The following DLL4 variants were observed in gnomAD, a reference collection of about 807,000 sequenced individuals.
The protein encoded by DLL4 is delta like canonical Notch ligand 4.
In DLL4, 7 loss-of-function variants were observed where a neutral mutation model predicts 73.6. That is an observed-to-expected ratio of 0.10 (90% CI 0.05 to 0.18). DLL4 has a LOEUF of 0.18. Ranked by LOEUF, DLL4 falls within the 10% of genes least tolerant of loss-of-function variation. DLL4 has a pLI of 1.00. For synonymous variants in DLL4, 345 were observed against 374.3 expected, an observed-to-expected ratio of 0.92 and a Z score of 0.90; for missense variants, 614 against 929.9, an observed-to-expected ratio of 0.66 and a Z score of 4.42.
At chr15:40,932,874 G>A (rs538538607) in intron 6 of DLL4, among the ~76,000 whole-genome samples, 54 of 152,316 alleles carry the variant, frequency 3.5e-4, no homozygotes, top group Admixed American at 5.2e-4. Context: ...TGTGCCCACC[G>A]GCCACCTGAG....
intron 4 of DLL4, 66 bp downstream of exon 4, chr15:40,931,832 T>G: frequency 6.3e-7 from 1 of 1,583,822 alleles, no homozygotes; most frequent in South Asian, 1.2e-5. Flanking sequence ...GTGGAGCTTC[T>G]TGGTCACAGC....
rs1386917992 is a variant in DLL4 at position 40,929,641 on chromosome 15, G to A, written c.-28G>A. 2.0e-6 allele frequency: 3 copies of A among 1,506,438 alleles called. No individual in the cohort carries two copies. The highest frequency in any genetic ancestry group is 2.6e-5 in the South Asian group (2 of 76,566). 93.3% of individuals were successfully genotyped at this position (1,506,438 alleles called of 1,614,324 possible). ...GCGAACAGAGCCAGATTGAGGGCCC[G>A]CGGGTGGAGAGAGCGACGCCCGAGG... On this transcript the variant is annotated 5_prime_UTR_variant, in exon 1 of 11. Coordinates refer to ENST00000249749, the MANE Select transcript of DLL4 (RefSeq NM_019074.4). This position sits in a 1 kb window ranked among gnomAD's most constrained non-coding sequence, Gnocchi z 7.1.
intron 10 of DLL4, 96 bp downstream of exon 10, chr15:40,937,622 A>T (rs1299628475): frequency 1.1e-6 from 1 of 940,870 alleles, no homozygotes; most frequent in Non-Finnish European, 1.7e-6. Context: ...GGTAGGTCAG[A>T]ACCCTGCCTT....
chr15:40,932,991 A>C (rs969521300), intron 6 of DLL4, among the ~76,000 whole-genome samples: 3 of 152,278 alleles, frequency 2.0e-5, no homozygotes, highest in Non-Finnish European at 4.4e-5. Context: ...GCCTGAACCC[A>C]TGCGGTCTCT....
Position 40,932,463 on chromosome 15 carries a change from GAGAGGGTGC to G in DLL4, c.850+27_850+35del, listed in dbSNP as rs1566878592. On this transcript the variant is annotated intron_variant, in intron 6 of 10. Transcript: ENST00000249749. Reference sequence around the variant, plus strand: ...TGTGACCAAGGTGAGTCAGGGTGAAGAGAGGGTGCAGAGGGTGCAAGAGATATGGGGCTG... The same window carrying G: ...TGTGACCAAGGTGAGTCAGGGTGAAGAGAGGGTGCAAGAGATATGGGGCTG... The G allele has an allele frequency of 3.7e-6, 6 of 1,613,792 alleles. No individual in the cohort carries two copies. Among genetic ancestry groups the G allele is most frequent in the East Asian group, 2.2e-5 (1 of 44,894 alleles).
chr15:40,934,759 G>A (rs1284218170), intron 7 of DLL4, 42 bp downstream of exon 7: 1 of 1,601,934 alleles, frequency 6.2e-7, no homozygotes, highest in Non-Finnish European at 8.5e-7. Flanking sequence ...GTGTCAGGTG[G>A]TGTCTGGGCA....
At position 40,936,674 on chromosome 15, in the gene DLL4, G is replaced by A. The variant is rs369058138; in HGVS notation, c.1687G>A (p.Gly563Ser). ...RQLRLRRPDD[G>S]SREAMNNLSD... Reference sequence around the variant, plus strand: ...GCTGCGGCTTCGACGGCCGGACGACGGCAGCAGGGAAGCCATGAACAACTT... The same window carrying A: ...GCTGCGGCTTCGACGGCCGGACGACAGCAGCAGGGAAGCCATGAACAACTT... Residue 563 changes from glycine (G) to serine (S), a missense_variant, in exon 9 of 11, where the codon GGC becomes AGC. Around this residue, in one of 3 missense-constraint regions of DLL4, gnomAD observed 386 missense variants for 541.3 expected, o/e 0.71. Coordinates refer to ENST00000249749, the MANE Select transcript of DLL4 (RefSeq NM_019074.4). 1.9e-5 allele frequency: 30 copies of A among 1,613,040 alleles called. No individual in the cohort carries two copies. The highest frequency in any genetic ancestry group is 3.3e-4 in the Middle Eastern group (2 of 6,062).
rs777559242 is a variant in DLL4 at position 40,930,339 on chromosome 15, T to C, written c.336+223T>C. Reference sequence around the variant, plus strand: ...GTTTATGTCCTCCCGTCCCCAGCTCTTGGGACACGATTTTCATTACCTACC... The same window carrying C: ...GTTTATGTCCTCCCGTCCCCAGCTCCTGGGACACGATTTTCATTACCTACC... On this transcript the variant is annotated intron_variant, in intron 2 of 10. Coordinates refer to ENST00000249749, the MANE Select transcript of DLL4 (RefSeq NM_019074.4). This position sits in a 1 kb window ranked among gnomAD's most constrained non-coding sequence, Gnocchi z 5.7. 8.5e-5 allele frequency: 57 copies of C among 669,820 alleles called. No homozygotes were observed. Among genetic ancestry groups the C allele is most frequent in the Middle Eastern group, 4.1e-4 (1 of 2,450 alleles). The allele number at this position is 669,820 out of a possible 1,614,324, so 41.5% of individuals were successfully genotyped here.
chr15:40,931,251 C>A, intron 3 of DLL4: 2 of 567,554 alleles, frequency 3.5e-6, no homozygotes, highest in South Asian at 4.5e-5. Flanking sequence ...CCTGGGATAT[C>A]TTAACATCCT....
intron 8 of DLL4, 107 bp downstream of exon 8, chr15:40,935,224 C>T (rs1892826494): frequency 1.8e-6 from 2 of 1,110,714 alleles, no homozygotes; most frequent in Non-Finnish European, 2.6e-6. Flanking sequence ...CCACTCTGGC[C>T]CCCCATCTGC....
rs1892804740 is a variant in DLL4, at chr15:40,933,902, T to C, written c.851-646T>C. On this transcript the variant is annotated intron_variant, in intron 6 of 10. Transcript: ENST00000249749. ...TTAGCCAGGTGTGGTGGCAGGCACC[T>C]GTAGCCCCAGCTGCTGGGAAGGCTG... is the stretch of plus-strand genomic sequence containing the variant. Among the ~76,000 whole-genome samples the C allele has an allele frequency of 2.0e-5, 3 of 150,902 alleles. No homozygotes were observed. The South Asian group carries it at 6.3e-4, about 32-fold the overall frequency.
In DLL4 at chr15:40,930,208, C is replaced by G; in HGVS notation, c.336+92C>G. 1 of 1,443,444 alleles carries G rather than the reference C, an allele frequency of 6.9e-7. No homozygotes were observed. Among genetic ancestry groups the G allele is most frequent in the South Asian group, 1.3e-5 (1 of 77,376 alleles). The allele number at this position is 1,443,444 out of a possible 1,614,324, so 89.4% of individuals were successfully genotyped here. ...CCCCCTCCCCAGATTTCCTTGTACA[C>G]ACACCCCCACCCCCAAAAAGCCCAG... On this transcript the variant is annotated intron_variant, in intron 2 of 10. Coordinates refer to ENST00000249749, the MANE Select transcript of DLL4 (RefSeq NM_019074.4). The surrounding 1 kb of genome is among the most constrained non-coding windows in gnomAD (Gnocchi z 5.7).
intron 7 of DLL4, 44 bp downstream of exon 7, chr15:40,934,761 G>A (rs764459178): frequency 5.0e-6 from 8 of 1,601,370 alleles, no homozygotes; most frequent in Admixed American, 1.7e-5. Context: ...GTCAGGTGGT[G>A]TCTGGGCATC....
At chr15:40,935,299 C>T (rs757448479) in intron 8 of DLL4, among the ~76,000 whole-genome samples, 182 bp downstream of exon 8, 1 of 152,212 alleles carries the variant, frequency 6.6e-6, no homozygotes, top group Non-Finnish European at 1.5e-5. Flanking sequence ...GTTAGTTGCA[C>T]GCAGGCCTTA....
At position 40,930,017 on chromosome 15, in the gene DLL4, C is replaced by T; in HGVS notation, c.237C>T (p.Val79=). ...CCGGACCCTGCACCTTCGGGACCGT[C>T]TCCACGCCGGTATTGGGCACCAACT... The part of the protein sequence containing the change: ...VSPGPCTFGT[V]STPVLGTNSF... The change falls in exon 2 of 11, where the codon GTC becomes GTT. Residue 79 remains valine, a synonymous_variant. Coordinates refer to ENST00000249749, the MANE Select transcript of DLL4 (RefSeq NM_019074.4). This position sits in a 1 kb window ranked among gnomAD's most constrained non-coding sequence, Gnocchi z 5.7. The T allele has an allele frequency of 1.2e-6, 2 of 1,612,916 alleles. No individual in the cohort carries two copies. The highest frequency in any genetic ancestry group is 8.5e-7 in the Non-Finnish European group (1 of 1,179,676).
In DLL4 at chr15:40,931,549, C is replaced by A; in HGVS notation, c.441C>A (p.Gly147=). ...DALISKIAIQ[G]SLAVGQNWLL... is the part of the protein sequence containing the mutation. ...TCATCAGCAAGATCGCCATCCAGGG[C>A]TCCCTAGCTGTGGGTCAGAACTGGT... Residue 147 remains glycine (G), a synonymous_variant, in exon 4 of 11, where the codon GGC becomes GGA. Transcript: ENST00000249749. 1 of 1,610,582 alleles carries A rather than the reference C, an allele frequency of 6.2e-7. No individual in the cohort carries two copies. Among genetic ancestry groups the A allele is most frequent in the Non-Finnish European group, 8.5e-7 (1 of 1,178,422 alleles).
rs994854629 is a variant in DLL4 at position 40,937,442 on chromosome 15, A to G, written c.1968A>G (p.Ser656=). 6.2e-7 allele frequency: 1 copy of G among 1,613,638 alleles called. No individual in the cohort carries two copies. Among genetic ancestry groups the G allele is most frequent in the East Asian group, 2.2e-5 (1 of 44,872 alleles). Residue 656 remains serine (S), a synonymous_variant, in exon 10 of 11, where the codon TCA becomes TCG. Coordinates refer to ENST00000249749, the MANE Select transcript of DLL4 (RefSeq NM_019074.4). The stretch of plus-strand genomic sequence containing the variant: ...GTGAAAAGCCAGAGTGTCGGATATC[A>G]GCGATATGCTCCCCCAGGGACTCCA... ...LHSEKPECRI[S]AICSPRDSMY...
chr15:40,934,473 A>G, intron 6 of DLL4, 75 bp from the exon 7 acceptor site: 1 of 1,519,702 alleles, frequency 6.6e-7, no homozygotes, highest in South Asian at 1.2e-5. Flanking sequence ...CATGGGGGCA[A>G]ACATGGACTG....
At position 40,930,544 on chromosome 15, in the gene DLL4, A is replaced by G. The variant is rs549215276; in HGVS notation, c.337-81A>G. The G allele has an allele frequency of 8.7e-7, 1 of 1,155,276 alleles. No homozygotes were observed. Among genetic ancestry groups the G allele is most frequent in the African/African-American group, 1.5e-5 (1 of 65,880 alleles). The allele number at this position is 1,155,276 out of a possible 1,614,324, so 71.6% of individuals were successfully genotyped here. On this transcript the variant is annotated intron_variant, in intron 2 of 10. Transcript: ENST00000249749. This position sits in a 1 kb window ranked among gnomAD's most constrained non-coding sequence, Gnocchi z 5.7. ...ACTGAATCCTGCAATTAGATTAATTAAACAGGCTGCCGCAAGGCACCCCCA... is the reference window on the plus strand; with the variant it reads ...ACTGAATCCTGCAATTAGATTAATTGAACAGGCTGCCGCAAGGCACCCCCA...
Sources: gnomAD v4.1 joint callset for allele counts (sites outside exome capture counted in the v4.1 genomes callset) on GRCh38, gnomAD v4.1.1 for gene constraint, gnomAD v4.1.1 regional missense constraint, Gnocchi (gnomAD v3.1) non-coding constraint, MANE v1.5 for transcripts, NCBI Gene and HGNC (gene_info 2026-07-23, HGNC 2026-07-21) for gene names.